LHFPL3: variants seen among roughly 807,000 people sequenced by gnomAD.
LHFPL3 encodes LHFPL tetraspan subfamily member 3 protein.
A neutral mutation model predicts 19.3 loss-of-function variants in LHFPL3; 5 were observed. The ratio of observed to expected loss-of-function variants is 0.26; its 90% CI spans 0.14 to 0.54. The LOEUF (loss-of-function observed/expected upper bound fraction) is 0.54, where lower values mean the gene tolerates loss of function less well. Ranked by LOEUF, LHFPL3 falls within the 20% of genes least tolerant of loss-of-function variation. The pLI, the probability that LHFPL3 is intolerant of heterozygous loss-of-function variation, is 0.94. For synonymous variants in LHFPL3, 133 were observed against 126.2 expected, an observed-to-expected ratio of 1.05 and a Z score of -0.36; for missense variants, 249 against 307.4, an observed-to-expected ratio of 0.81 and a Z score of 1.42.
chr7:104,581,035 A>G (rs1790450509), intron 1 of LHFPL3, among the ~76,000 whole-genome samples: 1 of 151,922 alleles, frequency 6.6e-6, no homozygotes, highest in African/African-American at 2.4e-5. Flanking sequence ...ACCTATGGTA[A>G]GAAGCTAGGA....
chr7:104,426,306 G>A (rs12536428), intron 1 of LHFPL3, among the ~76,000 whole-genome samples: 2 of 151,968 alleles, frequency 1.3e-5, no homozygotes, highest in Non-Finnish European at 2.9e-5. Flanking sequence ...GCCCAGGTTG[G>A]AATGCCATGG....
intron 1 of LHFPL3, among the ~76,000 whole-genome samples, chr7:104,656,204 T>G (rs57801919): frequency 0.074 from 11,261 of 151,832 alleles, 642 homozygotes; most frequent in African/African-American, 0.15. Context: ...GATGAGATGG[T>G]AATTAGGGAT....
At chr7:104,853,906 T>G (rs1257884630) in intron 2 of LHFPL3, among the ~76,000 whole-genome samples, 1 of 152,170 alleles carries the variant, frequency 6.6e-6, no homozygotes, top group African/African-American at 2.4e-5. Context: ...GTAGGTAATT[T>G]CAATCTGATT....
chr7:104,687,315 C>T (rs1381751720), intron 1 of LHFPL3, among the ~76,000 whole-genome samples: 9 of 152,238 alleles, frequency 5.9e-5, no homozygotes, highest in Admixed American at 5.9e-4. Flanking sequence ...GGACCACCCT[C>T]CAGGAGACTT....
intron 2 of LHFPL3, among the ~76,000 whole-genome samples, chr7:104,883,922 C>A (rs1792099499): frequency 6.6e-6 from 1 of 152,124 alleles, no homozygotes; most frequent in Non-Finnish European, 1.5e-5. Flanking sequence ...CCTGAGCACA[C>A]TTCCCTTTGA....
rs140936926 is a variant in LHFPL3, at chr7:104,421,029, A to G, written c.445+91805A>G. ...GCCAACAACTCAAGGGCATAGCCAG[A>G]TAGAGAAGGTTGTGGTCCTTGCTAT... On this transcript the variant is annotated intron_variant, in intron 1 of 2. Transcript: ENST00000424859. Among the ~76,000 whole-genome samples, 162 of 152,326 alleles carry G rather than the reference A, an allele frequency of 1.1e-3. 1 individual carries two copies. Among genetic ancestry groups the G allele is most frequent in the African/African-American group, 3.7e-3 (153 of 41,578 alleles).
chr7:104,329,571 C>T (rs183972721), intron 1 of LHFPL3, among the ~76,000 whole-genome samples: 101 of 152,292 alleles, frequency 6.6e-4, no homozygotes, highest in African/African-American at 2.3e-3. Flanking sequence ...GCCGGGGTTC[C>T]GTGCTGAGGG....
chr7:104,689,870 TC>T (rs1357442031), intron 1 of LHFPL3, among the ~76,000 whole-genome samples: 5 of 152,076 alleles, frequency 3.3e-5, no homozygotes, highest in Non-Finnish European at 7.4e-5. Context: ...TGTGATGATT[TC>T]CCCAGGGCCA....
rs10277884 is a variant in LHFPL3 at position 104,612,682 on chromosome 7, C to T, written c.446-123993C>T. On this transcript the variant is annotated intron_variant, in intron 1 of 2. Coordinates refer to ENST00000424859, the MANE Select transcript of LHFPL3 (RefSeq NM_199000.3). ...GAAGACACCGGTGCTGAAACCTAAA[C>T]CTTCATGCCGCTCAGCTGATTAATC... is the stretch of plus-strand genomic sequence containing the variant. Among the ~76,000 whole-genome samples, 4 of 152,240 alleles carry T rather than the reference C, an allele frequency of 2.6e-5. No individual in the cohort carries two copies. The South Asian group carries it at 6.2e-4, about 24-fold the overall frequency.
chr7:104,625,470 A>T (rs1050513200), intron 1 of LHFPL3, among the ~76,000 whole-genome samples: 1 of 152,230 alleles, frequency 6.6e-6, no homozygotes, highest in Non-Finnish European at 1.5e-5. Context: ...AGTAATAAGC[A>T]TGGCACACCA....
chr7:104,485,620 A>G lies in LHFPL3; in HGVS notation c.445+156396A>G, dbSNP rs555889724. 4.6e-5 allele frequency among the ~76,000 whole-genome samples: 7 copies of G among 152,268 alleles called. No individual in the cohort carries two copies. The East Asian group carries it at 1.3e-3, about 29-fold the overall frequency. ...GAACCATTTAATGATTAGATTTTCT[A>G]TCATTTTTTATTATTATACTTTAAG... On this transcript the variant is annotated intron_variant, in intron 1 of 2. Coordinates refer to ENST00000424859, the MANE Select transcript of LHFPL3 (RefSeq NM_199000.3).
chr7:104,513,641 T>C (rs1308283646), intron 1 of LHFPL3, among the ~76,000 whole-genome samples: 1 of 152,188 alleles, frequency 6.6e-6, no homozygotes, highest in Non-Finnish European at 1.5e-5. Context: ...CAAATTCAAA[T>C]ACAATTTCTC....
intron 1 of LHFPL3, among the ~76,000 whole-genome samples, chr7:104,345,873 C>T (rs758411767): frequency 2.0e-4 from 30 of 152,092 alleles, no homozygotes; most frequent in Non-Finnish European, 3.1e-4. Context: ...TGAGAAAAAA[C>T]TCTTTACCAC....
chr7:104,798,159 C>G (rs1025046490), intron 2 of LHFPL3, among the ~76,000 whole-genome samples: 1 of 152,286 alleles, frequency 6.6e-6, no homozygotes, highest in East Asian at 1.9e-4. Context: ...TCCCACCAAA[C>G]AGAGCCACCA....
At chr7:104,817,323 T>C (rs1215879861) in intron 2 of LHFPL3, among the ~76,000 whole-genome samples, 1 of 152,072 alleles carries the variant, frequency 6.6e-6, no homozygotes, top group Non-Finnish European at 1.5e-5. Context: ...CCCCATTTCA[T>C]TCAGCCCACA....
intron 2 of LHFPL3, among the ~76,000 whole-genome samples, chr7:104,893,146 C>T (rs528869707): frequency 6.6e-6 from 1 of 151,428 alleles, no homozygotes; most frequent in East Asian, 1.9e-4. Flanking sequence ...CCCAAGAGTT[C>T]GAGGTTGCAA....
chr7:104,561,111 C>T, intron 1 of LHFPL3, among the ~76,000 whole-genome samples: 1 of 152,016 alleles, frequency 6.6e-6, no homozygotes, highest in Non-Finnish European at 1.5e-5. Context: ...AGTATGTGGT[C>T]AATTTTGGAA....
At chr7:104,897,304 A>ATG (rs770799026) in intron 2 of LHFPL3, among the ~76,000 whole-genome samples, 2 of 152,010 alleles carry the variant, frequency 1.3e-5, no homozygotes, top group African/African-American at 2.4e-5. Context: ...GTGTGTGCTT[A>ATG]TGTGTGTGTG....
At chr7:104,559,891 G>GT (rs1448697950) in intron 1 of LHFPL3, among the ~76,000 whole-genome samples, 1 of 115,446 alleles carries the variant, frequency 8.7e-6, no homozygotes, top group Non-Finnish European at 1.6e-5. Context: ...TTAGCATGAA[G>GT]GTTGTTGAAT....
Sources: gnomAD v4.1 joint callset for allele counts (sites outside exome capture counted in the v4.1 genomes callset) on GRCh38, gnomAD v4.1.1 for gene constraint, MANE v1.5 for transcripts, NCBI Gene and HGNC (gene_info 2026-07-23, HGNC 2026-07-21) for gene names.